DIAPH3: variants seen among roughly 807,000 people sequenced by gnomAD.
The protein encoded by DIAPH3 is protein diaphanous homolog 3.
A neutral mutation model predicts 144.3 loss-of-function variants in DIAPH3; 117 were observed. The ratio of observed to expected loss-of-function variants is 0.81; its 90% CI spans 0.70 to 0.95. DIAPH3 has a LOEUF of 0.95. Ranked by LOEUF, DIAPH3 falls within the 40% of genes least tolerant of loss-of-function variation. The probability of loss-of-function intolerance (pLI) is 0.00; values close to 1 mark genes in which losing one functional copy is unlikely to be tolerated. For missense variants in DIAPH3, 1,421 were observed against 1,412.7 expected, an observed-to-expected ratio of 1.01 and a Z score of -0.09; for synonymous variants, 519 against 488.9, an observed-to-expected ratio of 1.06 and a Z score of -0.81.
chr13:59,828,092 C>T (rs1444786683), intron 24 of DIAPH3, among the ~76,000 whole-genome samples: 2 of 151,934 alleles, frequency 1.3e-5, no homozygotes, highest in East Asian at 1.9e-4. Context: ...AAGCTTGATG[C>T]CCGATACGCC....
At chr13:59,762,508 T>C (rs1013171641) in intron 27 of DIAPH3, among the ~76,000 whole-genome samples, 1 of 152,156 alleles carries the variant, frequency 6.6e-6, no homozygotes, top group Admixed American at 6.5e-5. Context: ...CTGGTTACAA[T>C]GTTTCTATTA....
intron 21 of DIAPH3, among the ~76,000 whole-genome samples, chr13:59,874,262 G>T (rs1423289076): frequency 2.0e-5 from 3 of 152,114 alleles, no homozygotes; most frequent in Non-Finnish European, 4.4e-5. Flanking sequence ...TTCTTAAAGG[G>T]TACTCCAGGT....
intron 27 of DIAPH3, among the ~76,000 whole-genome samples, chr13:59,694,864 T>C (rs529012311): frequency 2.6e-5 from 4 of 152,242 alleles, no homozygotes; most frequent in East Asian, 1.9e-4. Context: ...TGCTGCCAAA[T>C]AGGTTATCAA....
intron 4 of DIAPH3, among the ~76,000 whole-genome samples, chr13:60,088,675 G>A (rs1025385000): frequency 4.6e-5 from 7 of 152,174 alleles, no homozygotes; most frequent in African/African-American, 1.4e-4. Context: ...AGACTGTACT[G>A]CAGTGGCATG....
At chr13:59,757,686 C>T (rs956296830) in intron 27 of DIAPH3, among the ~76,000 whole-genome samples, 24 of 152,098 alleles carry the variant, frequency 1.6e-4, no homozygotes, top group African/African-American at 4.8e-4. Flanking sequence ...AGGCGTGAGC[C>T]ACCGCGCCCG....
At chr13:60,108,317 G>T (rs1265187611) in intron 3 of DIAPH3, among the ~76,000 whole-genome samples, 1 of 152,156 alleles carries the variant, frequency 6.6e-6, no homozygotes, top group Non-Finnish European at 1.5e-5. Flanking sequence ...AAGATTTAAA[G>T]TATGTATAAG....
chr13:59,844,658 T>C (rs1388280455), intron 22 of DIAPH3, among the ~76,000 whole-genome samples: 1 of 152,222 alleles, frequency 6.6e-6, no homozygotes, highest in Non-Finnish European at 1.5e-5. Context: ...AAATTAATCA[T>C]ATTTTTTGTA....
chr13:59,772,671 T>C (rs2038185831), intron 27 of DIAPH3, among the ~76,000 whole-genome samples: 1 of 152,108 alleles, frequency 6.6e-6, no homozygotes, highest in Admixed American at 6.6e-5. Flanking sequence ...TTATCTGAAC[T>C]AATTTTCCCC....
intron 4 of DIAPH3, among the ~76,000 whole-genome samples, chr13:60,087,038 T>C (rs547612027): frequency 6.6e-6 from 1 of 152,326 alleles, no homozygotes; most frequent in South Asian, 2.1e-4. Flanking sequence ...ATACTTTAAA[T>C]CATCTCTAGA....
At chr13:59,752,935 T>C (rs1381131302) in intron 27 of DIAPH3, among the ~76,000 whole-genome samples, 1 of 152,206 alleles carries the variant, frequency 6.6e-6, no homozygotes, top group Non-Finnish European at 1.5e-5. Flanking sequence ...TAAGAACACA[T>C]GTAGACATCC....
chr13:60,026,422 A>G (rs1047285060), intron 5 of DIAPH3, among the ~76,000 whole-genome samples: 10 of 152,302 alleles, frequency 6.6e-5, no homozygotes, highest in African/African-American at 2.2e-4. Flanking sequence ...TTTTAGCAGA[A>G]GAATACTTCT....
At position 60,117,233 on chromosome 13, in the gene DIAPH3, A is replaced by G. The variant is rs571355402; in HGVS notation, c.214-5047T>C. On this transcript the variant is annotated intron_variant, in intron 2 of 27. Coordinates refer to ENST00000400324, the MANE Select transcript of DIAPH3 (RefSeq NM_001042517.2). ...TACCCAAATGGAAAAATAAATTTGT[A>G]CATTACCACTAGTATAGACGGATGA... 4.6e-4 allele frequency among the ~76,000 whole-genome samples: 70 copies of G among 152,220 alleles called. No homozygotes were observed. The Middle Eastern group carries it at 0.01, about 22-fold the overall frequency.
intron 22 of DIAPH3, among the ~76,000 whole-genome samples, chr13:59,843,305 T>C (rs1409517618): frequency 1.3e-5 from 2 of 152,186 alleles, no homozygotes; most frequent in Admixed American, 6.5e-5. Flanking sequence ...CATTTTTGGC[T>C]CATTCTCAGA....
intron 23 of DIAPH3, among the ~76,000 whole-genome samples, chr13:59,836,038 G>C (rs188687077): frequency 1.3e-5 from 2 of 151,928 alleles, no homozygotes; most frequent in Admixed American, 1.3e-4. Context: ...ACATGGAAAG[G>C]AGTCAAGTAA....
At chr13:59,902,196 T>C (rs144012646) in intron 20 of DIAPH3, among the ~76,000 whole-genome samples, 1 of 152,310 alleles carries the variant, frequency 6.6e-6, no homozygotes, top group East Asian at 1.9e-4. Context: ...TCAAGTCAAA[T>C]TGCAATCCCC....
intron 27 of DIAPH3, among the ~76,000 whole-genome samples, chr13:59,757,189 T>C (rs892892129): frequency 2.0e-5 from 3 of 152,218 alleles, no homozygotes; most frequent in East Asian, 3.9e-4. Flanking sequence ...AACGGACATG[T>C]CCATAGGCTG....
rs1026287484 is a variant in DIAPH3 at position 59,980,793 on chromosome 13, A to T, written c.1545+2T>A. 3 of 1,608,300 alleles carry T rather than the reference A, an allele frequency of 1.9e-6. No individual in the cohort carries two copies. Among genetic ancestry groups the T allele is most frequent in the Non-Finnish European group, 2.6e-6 (3 of 1,176,018 alleles). ...ACTATAAAGTTAGTGAAAACTACTT[A>T]CTTTCTTGTAAAGTTCTGATGCTTT... is the stretch of plus-strand genomic sequence containing the variant. On this transcript the variant is annotated splice_donor_variant, in intron 14 of 27. Transcript: ENST00000400324. LOFTEE classifies it high-confidence loss of function.
chr13:59,747,867 T>A (rs2139092987), intron 27 of DIAPH3, among the ~76,000 whole-genome samples: 1 of 152,312 alleles, frequency 6.6e-6, no homozygotes, highest in African/African-American at 2.4e-5. Context: ...TCCTAGGTAA[T>A]AGTTCTTATA....
chr13:59,700,941 TTTAC>T, intron 27 of DIAPH3, among the ~76,000 whole-genome samples: 1 of 150,840 alleles, frequency 6.6e-6, no homozygotes, highest in African/African-American at 2.5e-5. Context: ...CAGTAGTTTA[TTTAC>T]TTAGTAAAAG....
Sources: gnomAD v4.1 joint callset for allele counts (sites outside exome capture counted in the v4.1 genomes callset) on GRCh38, gnomAD v4.1.1 for gene constraint, MANE v1.5 for transcripts, NCBI Gene and HGNC (gene_info 2026-07-23, HGNC 2026-07-21) for gene names.